The following SIPA1L3 variants were observed in gnomAD, a reference collection of about 807,000 sequenced individuals.
SIPA1L3 encodes signal induced proliferation associated 1 like 3.
SIPA1L3 carries 59 observed loss-of-function variants against 150.1 expected under a neutral mutation model. The ratio of observed to expected loss-of-function variants is 0.39; its 90% CI spans 0.32 to 0.49. The LOEUF is 0.49. Among genes scored for constraint, SIPA1L3 ranks in the 20% least tolerant of loss-of-function variants. The pLI, the probability that SIPA1L3 is intolerant of heterozygous loss-of-function variation, is 0.86. For synonymous variants in SIPA1L3, 1,070 were observed against 1,077.6 expected, an observed-to-expected ratio of 0.99 and a Z score of 0.14; for missense variants, 2,211 against 2,489.5, an observed-to-expected ratio of 0.89 and a Z score of 2.38.
Position 38,169,330 on chromosome 19 carries a change from A to C in SIPA1L3, c.4208+4424A>C, listed in dbSNP as rs1359375945. On this transcript the variant is annotated intron_variant, in intron 15 of 21. Transcript: ENST00000222345. ...CTTGAGTCTGGGAGGCAGAGGTTGC[A>C]GTGAGCCGAGATCACGCCATTGCAC... is the stretch of plus-strand genomic sequence containing the variant. 2.0e-5 allele frequency among the ~76,000 whole-genome samples: 3 copies of C among 152,046 alleles called. No homozygotes were observed. The East Asian group carries it at 5.8e-4, about 29-fold the overall frequency.
chr19:38,020,782 C>T (rs536674737), intron 1 of SIPA1L3, among the ~76,000 whole-genome samples: 27 of 152,120 alleles, frequency 1.8e-4, no homozygotes, highest in Non-Finnish European at 3.5e-4. Flanking sequence ...TCTTTGAGTC[C>T]CACAATTCAT....
At chr19:37,956,165 A>G (rs1166682462) in intron 1 of SIPA1L3, among the ~76,000 whole-genome samples, 1 of 152,090 alleles carries the variant, frequency 6.6e-6, no homozygotes, top group Non-Finnish European at 1.5e-5. Context: ...GGGGTCCAGT[A>G]TTTCTTTATC....
chr19:38,103,553 G>A (rs1186264800), intron 6 of SIPA1L3, among the ~76,000 whole-genome samples: 3 of 151,890 alleles, frequency 2.0e-5, no homozygotes, highest in Admixed American at 2.0e-4. Context: ...GCTTGAGCCT[G>A]GGAGGCAGAG....
At chr19:38,104,204 G>A (rs1346586603) in intron 6 of SIPA1L3, among the ~76,000 whole-genome samples, 2 of 152,212 alleles carry the variant, frequency 1.3e-5, no homozygotes, top group East Asian at 1.9e-4. Flanking sequence ...AGAGAAGTGA[G>A]GTGTTAGGCA....
Position 38,107,220 on chromosome 19 carries a change from C to G in SIPA1L3, c.2133+580C>G, listed in dbSNP as rs1394919085. ...AAAGAGTGCTGTTTTTTCCAGTTGT[C>G]CCAGAAGTGTTTCAGAGCTGAGTCT... On this transcript the variant is annotated intron_variant, in intron 7 of 21. Coordinates refer to ENST00000222345, the MANE Select transcript of SIPA1L3 (RefSeq NM_015073.3). Among the ~76,000 whole-genome samples the G allele has an allele frequency of 3.3e-5, 5 of 152,322 alleles. No individual in the cohort carries two copies. In the East Asian group the frequency reaches 9.6e-4, roughly 29 times the overall value.
rs75389086 is a variant in SIPA1L3 at position 37,929,749 on chromosome 19, G to C, written c.-379+22391G>C. Among the ~76,000 whole-genome samples, 1,366 of 152,276 alleles carry C rather than the reference G, an allele frequency of 9.0e-3. 23 individuals are homozygous for C. The highest frequency in any genetic ancestry group is 0.031 in the African/African-American group (1,306 of 41,548). ...GATGAAAGGAGAGGATGCCAGTCAA[G>C]TGCTTACCCCCAGGGGCCAGCGCAT... is the stretch of plus-strand genomic sequence containing the variant. On this transcript the variant is annotated intron_variant, in intron 1 of 21. Coordinates refer to ENST00000222345, the MANE Select transcript of SIPA1L3 (RefSeq NM_015073.3).
intron 2 of SIPA1L3, among the ~76,000 whole-genome samples, chr19:38,029,910 A>C (rs1968606849): frequency 6.8e-6 from 1 of 147,836 alleles, no homozygotes; most frequent in Non-Finnish European, 1.5e-5. Flanking sequence ...GCTGGAGTGC[A>C]GTGGCGCCAT....
chr19:37,916,377 A>C (rs1265176439), intron 1 of SIPA1L3, among the ~76,000 whole-genome samples: 1 of 151,686 alleles, frequency 6.6e-6, no homozygotes, highest in Non-Finnish European at 1.5e-5. Flanking sequence ...ATGTGCACCT[A>C]TAATCCCAGC....
chr19:38,193,734 C>T lies in SIPA1L3; in HGVS notation c.4794C>T (p.Gly1598=), dbSNP rs768273946. 7.0e-6 allele frequency: 11 copies of T among 1,570,778 alleles called. No individual in the cohort carries two copies. Among genetic ancestry groups the T allele is most frequent in the South Asian group, 1.1e-5 (1 of 87,006 alleles). ...RQHQHPHPPV[G]PGATPAAGSG... is the part of the protein sequence containing the mutation. ...ACCAGCACCCCCACCCGCCCGTCGG[C>T]CCCGGTGCCACCCCTGCCGCCGGCA... The change falls in exon 18 of 22, where the codon GGC becomes GGT. Residue 1598 remains glycine (G), a synonymous_variant. Coordinates refer to ENST00000222345, the MANE Select transcript of SIPA1L3 (RefSeq NM_015073.3).
chr19:37,968,176 G>A (rs1400564967), intron 1 of SIPA1L3, among the ~76,000 whole-genome samples: 1 of 151,748 alleles, frequency 6.6e-6, no homozygotes, highest in African/African-American at 2.4e-5. Flanking sequence ...GGGTTCAAGC[G>A]ATTCTCCTGC....
At chr19:37,920,919 C>T (rs1309224147) in intron 1 of SIPA1L3, among the ~76,000 whole-genome samples, 1 of 152,198 alleles carries the variant, frequency 6.6e-6, no homozygotes, top group East Asian at 1.9e-4. Context: ...CTAGCACCTG[C>T]CTGTGGGGCC....
intron 6 of SIPA1L3, 185 bp from the exon 7 acceptor site, chr19:38,106,352 C>T: frequency 1.9e-6 from 1 of 528,010 alleles, no homozygotes. Context: ...GATGATCCAC[C>T]TGCCTCAGCC....
At chr19:38,171,036 T>C (rs993554504) in intron 15 of SIPA1L3, among the ~76,000 whole-genome samples, 1 of 152,126 alleles carries the variant, frequency 6.6e-6, no homozygotes. Flanking sequence ...CAACTATGTA[T>C]ATATACACAC....
intron 2 of SIPA1L3, among the ~76,000 whole-genome samples, chr19:38,030,186 G>A (rs1381504616): frequency 6.6e-6 from 1 of 152,070 alleles, no homozygotes; most frequent in African/African-American, 2.4e-5. Flanking sequence ...GACAGATGTA[G>A]ACAGTTGTGA....
intron 1 of SIPA1L3, among the ~76,000 whole-genome samples, chr19:38,002,427 AATG>A (rs1312940427): frequency 1.3e-5 from 2 of 152,174 alleles, no homozygotes; most frequent in African/African-American, 4.8e-5. Flanking sequence ...GCTAAATAAT[AATG>A]ATATGTATAT....
In SIPA1L3 at chr19:38,198,400, G is replaced by A; in HGVS notation, c.4852G>A (p.Ala1618Thr). The change falls in exon 19 of 22, where the codon GCC becomes ACC. Residue 1618 changes from alanine to threonine, a missense_variant. Ala to Thr is a moderately conservative substitution (Grantham distance 58, BLOSUM62 0). Around this residue, in one of 5 missense-constraint regions of SIPA1L3, gnomAD observed 806 missense variants for 870.1 expected, o/e 0.93. Coordinates refer to ENST00000222345, the MANE Select transcript of SIPA1L3 (RefSeq NM_015073.3). ...CCCTCCCCATCCAGCCACCATCTCA[G>A]CCTCGGAGCTCTCGCTGGCTGATGG... Reference protein sequence around the residue: ...GFPEKKSTISASELSLADGRD... With the variant: ...GFPEKKSTISTSELSLADGRD... The A allele has an allele frequency of 6.4e-7, 1 of 1,568,734 alleles. No homozygotes were observed. The highest frequency in any genetic ancestry group is 8.6e-7 in the Non-Finnish European group (1 of 1,159,402).
intron 1 of SIPA1L3, among the ~76,000 whole-genome samples, chr19:37,925,679 C>T (rs763002827): frequency 1.1e-4 from 16 of 150,092 alleles, no homozygotes; most frequent in Non-Finnish European, 1.9e-4. Flanking sequence ...CTGCAAGCTC[C>T]GCCTCCCAGG....
intron 1 of SIPA1L3, among the ~76,000 whole-genome samples, chr19:37,941,031 C>G (rs1360562799): frequency 6.7e-6 from 1 of 150,298 alleles, no homozygotes; most frequent in Non-Finnish European, 1.5e-5. Flanking sequence ...ATAAATGAAT[C>G]ATTGGATTTG....
In SIPA1L3 at chr19:38,049,058, G is replaced by A. The variant is rs566874674; in HGVS notation, c.-311+19902G>A. ...GATTGCGCCACTGCACTCCAGCCTG[G>A]GCGACAGGGCGAGACCCCATCTCAA... On this transcript the variant is annotated intron_variant, in intron 2 of 21. Transcript: ENST00000222345. Among the ~76,000 whole-genome samples the A allele has an allele frequency of 4.0e-5, 6 of 151,658 alleles. No individual in the cohort carries two copies. In the South Asian group the frequency reaches 8.4e-4, roughly 21 times the overall value.
Sources: gnomAD v4.1 joint callset for allele counts (sites outside exome capture counted in the v4.1 genomes callset) on GRCh38, gnomAD v4.1.1 for gene constraint, gnomAD v4.1.1 regional missense constraint, MANE v1.5 for transcripts, NCBI Gene and HGNC (gene_info 2026-07-23, HGNC 2026-07-21) for gene names.